Variants in TRMT44 observed in about 807,000 individuals in gnomAD.
The protein encoded by TRMT44 is probable tRNA (uracil-O(2)-)-methyltransferase.
In TRMT44, 78 loss-of-function variants were observed where a neutral mutation model predicts 77.3. The ratio of observed to expected loss-of-function variants is 1.01; its 90% CI spans 0.84 to 1.22. The LOEUF is 1.22. Ranked by LOEUF, TRMT44 falls within the 50% of genes most tolerant of loss-of-function variation. TRMT44 has a pLI of 0.00. For synonymous variants in TRMT44, 391 were observed against 383.3 expected (o/e 1.02, Z -0.23); for missense variants, 1,090 against 964.4 (o/e 1.13, Z -1.73).
At chr4:8,489,577 A>C (rs1401285694) in intron 2 of TRMT44, among the ~76,000 whole-genome samples, 2 of 152,110 alleles carry the variant, frequency 1.3e-5, no homozygotes, top group African/African-American at 4.8e-5. Context: ...CCCAGGTTCA[A>C]GCGATTCTCC....
At chr4:8,486,089 T>G (rs1727794883) in intron 2 of TRMT44, among the ~76,000 whole-genome samples, 2 of 152,198 alleles carry the variant, frequency 1.3e-5, no homozygotes, top group African/African-American at 4.8e-5. Context: ...TCAGAGAGCC[T>G]TGGACCAGAG....
chr4:8,447,483 G>A (rs549413743), intron 2 of TRMT44, among the ~76,000 whole-genome samples: 4 of 152,210 alleles, frequency 2.6e-5, no homozygotes, highest in South Asian at 2.1e-4. Context: ...GAGTTTGCCC[G>A]GGGCTTCCTA....
rs1407044180 is a variant in TRMT44, at chr4:8,444,785, T to C, written c.620-1691T>C. 6.6e-6 allele frequency among the ~76,000 whole-genome samples: 1 copy of C among 152,254 alleles called. No individual in the cohort carries two copies. Among genetic ancestry groups the C allele is most frequent in the Non-Finnish European group, 1.5e-5 (1 of 68,046 alleles). The stretch of plus-strand genomic sequence containing the variant: ...AATGTTTGAGGGGATGGATGCCCCA[T>C]TCTCCATGATGTGATTAGTTCACAT... On this transcript the variant is annotated intron_variant, in intron 1 of 10. Coordinates refer to ENST00000389737, the MANE Select transcript of TRMT44 (RefSeq NM_152544.3). This position sits in a 1 kb window ranked among gnomAD's most constrained non-coding sequence, Gnocchi z 4.0.
downstream of TRMT44, among the ~76,000 whole-genome samples, chr4:8,495,795 C>T (rs994494777): frequency 2.0e-5 from 3 of 152,224 alleles, no homozygotes; most frequent in Admixed American, 6.5e-5. Context: ...GAGGCAACCT[C>T]TTTTCAACCC....
At chr4:8,466,026 C>A (rs118096295) in intron 8 of TRMT44, among the ~76,000 whole-genome samples, 1 of 152,198 alleles carries the variant, frequency 6.6e-6, no homozygotes, top group Non-Finnish European at 1.5e-5. Flanking sequence ...GAAGTTGGCC[C>A]GGGGGCTTTC....
At chr4:8,516,845 T>TA in the TRMT44 span, among the ~76,000 whole-genome samples, 2 of 152,196 alleles carry the variant, frequency 1.3e-5, no homozygotes, top group South Asian at 2.1e-4. Context: ...AGAGGGTTGT[T>TA]AGAGTTTCAC....
At chr4:8,474,087 G>T (rs76525255) in intron 10 of TRMT44, among the ~76,000 whole-genome samples, 4,334 of 152,340 alleles carry the variant, frequency 0.028, 81 homozygotes, top group Non-Finnish European at 0.045. Context: ...GGGGAAGGGG[G>T]TGCCGAGGCT....
chr4:8,452,679 ACCAGAGAT>A lies in TRMT44; in HGVS notation c.1024-202_1024-195del, dbSNP rs1223909425. Among the ~76,000 whole-genome samples the A allele has an allele frequency of 6.6e-6, 1 of 152,030 alleles. No individual in the cohort carries two copies. Among genetic ancestry groups the A allele is most frequent in the Non-Finnish European group, 1.5e-5 (1 of 68,004 alleles). On this transcript the variant is annotated intron_variant, in intron 4 of 10. Coordinates refer to ENST00000389737, the MANE Select transcript of TRMT44 (RefSeq NM_152544.3). This position sits in a 1 kb window ranked among gnomAD's most constrained non-coding sequence, Gnocchi z 5.7. ...AACCCAGGAGGCGGAGGTTGCAGTG[ACCAGAGAT>A]TGCATCATTGCACTCTAGCCTGGGC...
intron 8 of TRMT44, among the ~76,000 whole-genome samples, chr4:8,466,165 G>A (rs1726530280): frequency 6.6e-6 from 1 of 152,234 alleles, no homozygotes; most frequent in South Asian, 2.1e-4. Context: ...TATGTCTCTG[G>A]TAACTTTATT....
Position 8,455,070 on chromosome 4 carries a change from G to A in TRMT44, c.1203+257G>A, listed in dbSNP as rs56222432. ...GTCTCTCCCTGAGTTTGTTGGTGCC[G>A]TTTGTATCTTGTGTGGGGTGCTCCC... is the stretch of plus-strand genomic sequence containing the variant. On this transcript the variant is annotated intron_variant, in intron 6 of 10. Coordinates refer to ENST00000389737, the MANE Select transcript of TRMT44 (RefSeq NM_152544.3). 33 of 542,316 alleles carry A rather than the reference G, an allele frequency of 6.1e-5. No homozygotes were observed. In the East Asian group the frequency reaches 7.2e-4, roughly 12 times the overall value. 33.6% of individuals were successfully genotyped at this position (542,316 alleles called of 1,614,324 possible).
chr4:8,495,713 C>G (rs1372036899), downstream of TRMT44, among the ~76,000 whole-genome samples: 1 of 152,214 alleles, frequency 6.6e-6, no homozygotes, highest in Non-Finnish European at 1.5e-5. Context: ...TTGTCTTGCA[C>G]CTGATAGTGA....
chr4:8,441,349 A>C lies in TRMT44; in HGVS notation c.527A>C (p.Gln176Pro). The C allele has an allele frequency of 6.5e-7, 1 of 1,535,206 alleles. No homozygotes were observed. Among genetic ancestry groups the C allele is most frequent in the African/African-American group, 1.4e-5 (1 of 73,184 alleles). ...GGGGCGGGATCGCAGCCAGAGGCGC[A>C]GCGTGAGCTCGACGTGGTTCTCAGA... Reference protein sequence around the residue: ...SSGAGSQPEAQRELDVVLRTV... With the variant: ...SSGAGSQPEAPRELDVVLRTV... Residue 176 changes from glutamine to proline, a missense_variant, in exon 1 of 11, where the codon CAG becomes CCG. Physicochemically the swap from Gln to Pro is moderately conservative, Grantham distance 76. Transcript: ENST00000389737.
chr4:8,470,803 CCAGAGCAGGCAGCA>C, intron 9 of TRMT44: 1 of 268,826 alleles, frequency 3.7e-6, no homozygotes, highest in East Asian at 7.4e-5. Flanking sequence ...AGGTGACCAC[CCAGAGCAGGCAGCA>C]TCACCTGACG....
At chr4:8,485,253 G>C (rs1015366116) in intron 2 of TRMT44, among the ~76,000 whole-genome samples, 1 of 152,140 alleles carries the variant, frequency 6.6e-6, no homozygotes, top group Non-Finnish European at 1.5e-5. Context: ...AGTGAAAAAA[G>C]CATCTTTAAG....
chr4:8,511,757 G>A, the TRMT44 span: 1 of 151,056 alleles, frequency 6.6e-6, no homozygotes, highest in Non-Finnish European at 1.5e-5. Flanking sequence ...TGAGTGGATT[G>A]GCCAGGCAGT....
At position 8,441,377 on chromosome 4, in the gene TRMT44, C is replaced by T; in HGVS notation, c.555C>T (p.Thr185=). ...AQRELDVVLR[T]VIPKTSPHCP... is the part of the protein sequence containing the mutation. ...GTGAGCTCGACGTGGTTCTCAGAAC[C>T]GTCATCCCGAAAACTAGCCCACATT... Residue 185 remains threonine (T), a synonymous_variant, in exon 1 of 11, where the codon ACC becomes ACT. Coordinates refer to ENST00000389737, the MANE Select transcript of TRMT44 (RefSeq NM_152544.3). 1 of 1,532,506 alleles carries T rather than the reference C, an allele frequency of 6.5e-7. No individual in the cohort carries two copies. The allele number at this position is 1,532,506 out of a possible 1,614,324, so 94.9% of individuals were successfully genotyped here. A position where few individuals can be genotyped will look rare whatever the true frequency, so the allele number is the denominator to read the frequency against.
chr4:8,463,669 C>G (rs1337057871), intron 6 of TRMT44, among the ~76,000 whole-genome samples: 1 of 152,176 alleles, frequency 6.6e-6, no homozygotes, highest in African/African-American at 2.4e-5. Context: ...GTTCCGTGGC[C>G]GTCTCTCCTG....
the TRMT44 span, among the ~76,000 whole-genome samples, chr4:8,513,911 T>C: frequency 6.6e-6 from 1 of 152,160 alleles, no homozygotes; most frequent in Non-Finnish European, 1.5e-5. Context: ...GCCAGAACTC[T>C]TGGGTGGGGC....
chr4:8,471,328 G>A, intron 10 of TRMT44, 128 bp downstream of exon 10: 1 of 614,956 alleles, frequency 1.6e-6, no homozygotes, highest in Admixed American at 3.4e-5. Context: ...GTTCCGCGGT[G>A]CCCCACCCAG....
Sources: allele counts gnomAD v4.1 joint callset (sites outside exome capture counted in the v4.1 genomes callset), GRCh38; gene constraint gnomAD v4.1.1; non-coding constraint Gnocchi (gnomAD v3.1); transcripts MANE v1.5; gene names NCBI Gene and HGNC (gene_info 2026-07-23, HGNC 2026-07-21).